The following PAX8 variants were observed in gnomAD, a reference collection of about 807,000 sequenced individuals.
PAX8 encodes paired box protein Pax-8.
In PAX8, 15 loss-of-function variants were observed where a neutral mutation model predicts 52.4. The observed-to-expected ratio is 0.29, with a 90% confidence interval of 0.19 to 0.44. The LOEUF (loss-of-function observed/expected upper bound fraction) is 0.44, where lower values mean the gene tolerates loss of function less well. Ranked by LOEUF, PAX8 falls within the 20% of genes least tolerant of loss-of-function variation. The pLI, the probability that PAX8 is intolerant of heterozygous loss-of-function variation, is 1.00. For missense variants in PAX8, 554 were observed against 602.5 expected, an observed-to-expected ratio of 0.92 and a Z score of 0.84; for synonymous variants, 284 against 249.7, an observed-to-expected ratio of 1.14 and a Z score of -1.29.
Position 113,246,131 on chromosome 2 carries a change from G to A in PAX8, c.191+623C>T, listed in dbSNP as rs112768750. 4.4e-3 allele frequency among the ~76,000 whole-genome samples: 673 copies of A among 152,346 alleles called. 3 individuals are homozygous for A. Among genetic ancestry groups the A allele is most frequent in the African/African-American group, 0.015 (640 of 41,584 alleles). ...TCAACCCTGGCTGCAGAGAATTAGA[G>A]TCACTTGCTGGGGGCGGATGGGCTG... On this transcript the variant is annotated intron_variant, in intron 3 of 11. Coordinates refer to ENST00000429538, the MANE Select transcript of PAX8 (RefSeq NM_003466.4).
intron 2 of PAX8, chr2:113,250,901 G>A (rs1691710019): frequency 6.6e-6 from 1 of 152,210 alleles, no homozygotes; most frequent in Non-Finnish European, 1.5e-5. Context: ...AAGGATATAA[G>A]TCCAGGTGCT....
At chr2:113,230,916 G>A (rs1689852211) in intron 9 of PAX8, among the ~76,000 whole-genome samples, 1 of 152,144 alleles carries the variant, frequency 6.6e-6, no homozygotes, top group South Asian at 2.1e-4. Context: ...CCTATTTTAG[G>A]AAGTTGACAG....
intron 7 of PAX8, chr2:113,239,658 A>G (rs1194371959): frequency 1.3e-5 from 2 of 152,250 alleles, no homozygotes; most frequent in Non-Finnish European, 2.9e-5. Context: ...TGAATAATTT[A>G]TGGACACTGC....
intron 7 of PAX8, chr2:113,240,246 T>C (rs1030715609): frequency 6.6e-6 from 1 of 152,286 alleles, no homozygotes; most frequent in Non-Finnish European, 1.5e-5. Flanking sequence ...CCCATGCTGC[T>C]GATGGTCAGC....
intron 8 of PAX8, 96 bp downstream of exon 8, chr2:113,236,505 C>T (rs985381121): frequency 7.1e-7 from 1 of 1,407,522 alleles, no homozygotes; most frequent in South Asian, 1.3e-5. Flanking sequence ...CCCGCCTCTC[C>T]TCTCCAGGCC....
At chr2:113,277,609 A>G in intron 2 of PAX8, among the ~76,000 whole-genome samples, 1 of 152,066 alleles carries the variant, frequency 6.6e-6, no homozygotes, top group East Asian at 1.9e-4. Flanking sequence ...GCGCGCCGGG[A>G]CGGCTGCGCC....
intron 11 of PAX8, among the ~76,000 whole-genome samples, chr2:113,218,864 C>A (rs1689120516): frequency 6.6e-6 from 1 of 152,130 alleles, no homozygotes; most frequent in Admixed American, 6.6e-5. Context: ...CCTTCAACAC[C>A]CTCGTTGCAA....
intron 2 of PAX8, among the ~76,000 whole-genome samples, chr2:113,260,578 TG>T: frequency 6.6e-6 from 1 of 151,018 alleles, no homozygotes; most frequent in African/African-American, 2.4e-5. Context: ...GTAGGGAGGA[TG>T]GGGAGAAGGG....
intron 7 of PAX8, chr2:113,241,117 G>T: frequency 3.1e-6 from 1 of 321,450 alleles, no homozygotes; most frequent in Non-Finnish European, 6.0e-6. Flanking sequence ...AGCGAGGGTG[G>T]TGAGCTCGGG....
intron 2 of PAX8, 125 bp downstream of exon 2, chr2:113,278,244 TG>T: frequency 1.3e-6 from 1 of 751,682 alleles, no homozygotes; most frequent in Non-Finnish European, 2.2e-6. Flanking sequence ...GCGCCCCAGC[TG>T]GGTCCCCACG....
At chr2:113,229,704 G>T (rs1689776858) in intron 9 of PAX8, among the ~76,000 whole-genome samples, 1 of 152,208 alleles carries the variant, frequency 6.6e-6, no homozygotes, top group Non-Finnish European at 1.5e-5. Flanking sequence ...GCTATACTGA[G>T]ATAAAATCTG....
intron 10 of PAX8, chr2:113,226,880 C>T (rs1378104505): frequency 1.1e-5 from 15 of 1,339,912 alleles, no homozygotes; most frequent in Non-Finnish European, 1.5e-5. Flanking sequence ...GATTTGAACA[C>T]AGACCTGTCT....
intron 2 of PAX8, among the ~76,000 whole-genome samples, chr2:113,264,212 T>C (rs1344114429): frequency 6.6e-6 from 1 of 152,194 alleles, no homozygotes; most frequent in Non-Finnish European, 1.5e-5. Flanking sequence ...TGTTTTTTAC[T>C]CCCAGTGCCC....
At chr2:113,264,597 G>A (rs1424595156) in intron 2 of PAX8, among the ~76,000 whole-genome samples, 6 of 152,220 alleles carry the variant, frequency 3.9e-5, no homozygotes, top group African/African-American at 7.2e-5. Flanking sequence ...TTTGTGTAAG[G>A]TGCTGGGGAT....
chr2:113,249,259 C>G (rs932157580), intron 2 of PAX8, among the ~76,000 whole-genome samples: 11 of 152,286 alleles, frequency 7.2e-5, no homozygotes, highest in African/African-American at 2.7e-4. Flanking sequence ...CTGGTCCTCA[C>G]TGGCCAGAGT....
intron 2 of PAX8, among the ~76,000 whole-genome samples, chr2:113,258,765 C>A (rs150628515): frequency 7.9e-5 from 12 of 152,158 alleles, no homozygotes; most frequent in African/African-American, 2.9e-4. Context: ...TGGTCTACCC[C>A]CCTCTCTCTT....
At chr2:113,231,684 C>T (rs1689900907) in intron 9 of PAX8, among the ~76,000 whole-genome samples, 1 of 152,220 alleles carries the variant, frequency 6.6e-6, no homozygotes, top group Non-Finnish European at 1.5e-5. Context: ...TGGTCTGCAG[C>T]ATTACTTAGG....
At chr2:113,241,391 T>C in intron 7 of PAX8, 160 bp downstream of exon 7, 1 of 751,670 alleles carries the variant, frequency 1.3e-6, no homozygotes, top group South Asian at 1.5e-5. Flanking sequence ...GGGCATCTGG[T>C]AAAATAAAGC....
intron 2 of PAX8, among the ~76,000 whole-genome samples, chr2:113,256,351 T>C (rs1232072737): frequency 5.9e-5 from 9 of 152,134 alleles, no homozygotes; most frequent in Admixed American, 3.9e-4. Context: ...GAGCTGGGGA[T>C]TGGATCTCCG....
Sources: allele counts gnomAD v4.1 joint callset (sites outside exome capture counted in the v4.1 genomes callset), GRCh38; gene constraint gnomAD v4.1.1; transcripts MANE v1.5; gene names NCBI Gene and HGNC (gene_info 2026-07-23, HGNC 2026-07-21).